The following PDZRN3 variants were observed in gnomAD, a reference collection of about 807,000 sequenced individuals.
PDZRN3 encodes PDZ domain containing ring finger 3.
In PDZRN3, 38 loss-of-function variants were observed where a neutral mutation model predicts 85.7. That is an observed-to-expected ratio of 0.44 (90% CI 0.34 to 0.58). The LOEUF is 0.58. Ranked by LOEUF, PDZRN3 falls within the 20% of genes least tolerant of loss-of-function variation. The probability of loss-of-function intolerance (pLI) is 0.01; values close to 1 mark genes in which losing one functional copy is unlikely to be tolerated. For missense variants in PDZRN3, 1,629 were observed against 1,506.4 expected, an observed-to-expected ratio of 1.08 and a Z score of -1.35; for synonymous variants, 759 against 638.0, an observed-to-expected ratio of 1.19 and a Z score of -2.86.
intron 1 of PDZRN3, among the ~76,000 whole-genome samples, chr3:73,610,791 C>T (rs1459560736): frequency 6.6e-6 from 1 of 152,136 alleles, no homozygotes; most frequent in Non-Finnish European, 1.5e-5. Flanking sequence ...CTTCAATCTA[C>T]TGTGTGATAA....
chr3:73,474,695 G>C, intron 3 of PDZRN3: 1 of 900,026 alleles, frequency 1.1e-6, no homozygotes, highest in South Asian at 2.6e-5. Flanking sequence ...AACAAAAGAG[G>C]AGCAGCAGGA....
intron 3 of PDZRN3, among the ~76,000 whole-genome samples, chr3:73,509,781 G>A (rs375145907): frequency 1.3e-5 from 2 of 152,180 alleles, no homozygotes; most frequent in Non-Finnish European, 2.9e-5. Context: ...AAAGACGCCT[G>A]AGTAAATACC....
intron 3 of PDZRN3, among the ~76,000 whole-genome samples, chr3:73,489,676 G>A (rs537023860): frequency 3.5e-5 from 5 of 142,092 alleles, no homozygotes; most frequent in South Asian, 4.5e-4. Flanking sequence ...CGGTTCAAGC[G>A]ATTCTCCTGC....
intron 3 of PDZRN3, among the ~76,000 whole-genome samples, chr3:73,497,632 C>G (rs780797187): frequency 4.6e-5 from 7 of 152,198 alleles, no homozygotes; most frequent in Non-Finnish European, 7.3e-5. Context: ...CGTCCTGAAA[C>G]TCTACGTACC....
chr3:73,398,272 C>T (rs1038115847), intron 5 of PDZRN3, among the ~76,000 whole-genome samples: 3 of 152,130 alleles, frequency 2.0e-5, no homozygotes, highest in African/African-American at 7.2e-5. Flanking sequence ...GGACAATATT[C>T]GTGACTTGGC....
chr3:73,439,487 C>T (rs895642523), intron 3 of PDZRN3, among the ~76,000 whole-genome samples: 3 of 152,192 alleles, frequency 2.0e-5, no homozygotes, highest in African/African-American at 7.2e-5. Context: ...AACCCTCATC[C>T]TTGTCAAAGT....
intron 3 of PDZRN3, among the ~76,000 whole-genome samples, chr3:73,517,431 C>G (rs985241590): frequency 2.6e-5 from 4 of 152,142 alleles, no homozygotes; most frequent in African/African-American, 9.7e-5. Flanking sequence ...TTATCGAGAG[C>G]TCTTTGGCAC....
At chr3:73,602,312 G>A (rs1273305013) in intron 3 of PDZRN3, 42 bp downstream of exon 3, 2 of 1,039,132 alleles carry the variant, frequency 1.9e-6, no homozygotes, top group Non-Finnish European at 3.0e-6. Context: ...AAGATGGGAT[G>A]GCATTCAGCC....
Position 73,387,980 on chromosome 3 carries a change from C to G in PDZRN3, c.1506G>C (p.Arg502Ser), listed in dbSNP as rs1203003106. ...GAAGCCAATTTACCTGGAGTTCAGG[C>G]CTTGCAATCAGCAATGAAAAGTTTT... ...ENKNFSLLIA[R>S]PELQLDEGWM... is the part of the protein sequence containing the mutation. Residue 502 changes from arginine to serine, a missense_variant, in exon 8 of 10, where the codon AGG becomes AGC. Physicochemically the swap from Arg to Ser is moderately radical, Grantham distance 110 (BLOSUM62 -1). Coordinates refer to ENST00000263666, the MANE Select transcript of PDZRN3 (RefSeq NM_015009.3). The G allele has an allele frequency of 6.4e-7, 1 of 1,558,286 alleles. No homozygotes were observed. Among genetic ancestry groups the G allele is most frequent in the Non-Finnish European group, 8.8e-7 (1 of 1,134,952 alleles).
Position 73,382,588 on chromosome 3 carries a change from A to G in PDZRN3, c.*777T>C, listed in dbSNP as rs1703255452. 6.6e-6 allele frequency: 1 copy of G among 152,666 alleles called. No individual in the cohort carries two copies. Among genetic ancestry groups the G allele is most frequent in the African/African-American group, 2.4e-5 (1 of 41,454 alleles). The allele number at this position is 152,666 out of a possible 1,614,324, so 9.5% of individuals were successfully genotyped here. A position where few individuals can be genotyped will look rare whatever the true frequency, so the allele number is the denominator to read the frequency against. ...TTGCCTGTATAAGTCTGTACCTTCA[A>G]ATCTACAAAGCAAAAGTTTACTACA... On this transcript the variant is annotated 3_prime_UTR_variant, in exon 10 of 10. Transcript: ENST00000263666.
At chr3:73,583,970 G>T (rs1702237779) in intron 3 of PDZRN3, among the ~76,000 whole-genome samples, 1 of 152,046 alleles carries the variant, frequency 6.6e-6, no homozygotes, top group Non-Finnish European at 1.5e-5. Flanking sequence ...CCTTAAATAA[G>T]GTCTAAATGA....
chr3:73,614,339 T>A (rs1160350554), intron 1 of PDZRN3, among the ~76,000 whole-genome samples: 1 of 152,182 alleles, frequency 6.6e-6, no homozygotes, highest in Non-Finnish European at 1.5e-5. Context: ...ACCATTCTCC[T>A]CCAAACCATC....
intron 5 of PDZRN3, among the ~76,000 whole-genome samples, chr3:73,396,724 G>C (rs1223426209): frequency 6.6e-6 from 1 of 152,194 alleles, no homozygotes; most frequent in Non-Finnish European, 1.5e-5. Context: ...GGTGACAGCA[G>C]TTTCGCAGCC....
intron 3 of PDZRN3, among the ~76,000 whole-genome samples, chr3:73,566,914 C>T (rs1339608328): frequency 6.6e-6 from 1 of 152,164 alleles, no homozygotes; most frequent in Admixed American, 6.5e-5. Context: ...TGACCACAAA[C>T]AACTTGGATC....
chr3:73,475,044 G>T (rs956767050), intron 3 of PDZRN3, among the ~76,000 whole-genome samples: 4 of 152,078 alleles, frequency 2.6e-5, no homozygotes, highest in Admixed American at 6.6e-5. Flanking sequence ...ATTAGAATGA[G>T]CAAGTCCAGG....
At chr3:73,618,793 T>C (rs572418277) in intron 1 of PDZRN3, among the ~76,000 whole-genome samples, 2 of 152,356 alleles carry the variant, frequency 1.3e-5, no homozygotes, top group Admixed American at 1.3e-4. Flanking sequence ...GGGTAACATA[T>C]TTGTAAAACA....
At chr3:73,603,258 G>T (rs998366213) in intron 2 of PDZRN3, among the ~76,000 whole-genome samples, 5 of 152,152 alleles carry the variant, frequency 3.3e-5, no homozygotes, top group Non-Finnish European at 7.3e-5. Context: ...AATAAATTCT[G>T]ATCTCTGACC....
rs141754512 is a variant in PDZRN3, at chr3:73,528,808, A to G, written c.918+73546T>C. On this transcript the variant is annotated intron_variant, in intron 3 of 9. Transcript: ENST00000263666. ...ATCTGGCATTGAGGTCTGTGCATCA[A>G]TGCTTTTTGGAGTGGAGGAAGAAGG... 2.2e-3 allele frequency among the ~76,000 whole-genome samples: 330 copies of G among 152,108 alleles called. 2 individuals are homozygous for G. Among genetic ancestry groups the G allele is most frequent in the African/African-American group, 7.5e-3 (312 of 41,484 alleles).
intron 3 of PDZRN3, among the ~76,000 whole-genome samples, chr3:73,451,346 T>C (rs1702857663): frequency 6.6e-6 from 1 of 152,234 alleles, no homozygotes; most frequent in Non-Finnish European, 1.5e-5. Context: ...TGTGGCTCTA[T>C]GTGTTAGAGG....
Sources: allele counts gnomAD v4.1 joint callset (sites outside exome capture counted in the v4.1 genomes callset), GRCh38; gene constraint gnomAD v4.1.1; transcripts MANE v1.5; gene names NCBI Gene and HGNC (gene_info 2026-07-23, HGNC 2026-07-21).